The following SLC44A5 variants were observed in gnomAD, a reference collection of about 807,000 sequenced individuals.
SLC44A5 encodes the protein solute carrier family 44 member 5.
In SLC44A5, 57 loss-of-function variants were observed where a neutral mutation model predicts 101.8. The ratio of observed to expected loss-of-function variants is 0.56; its 90% CI spans 0.45 to 0.70. The LOEUF (loss-of-function observed/expected upper bound fraction) is 0.70, where lower values mean the gene tolerates loss of function less well. SLC44A5 is among the 30% of genes least tolerant of loss of function. The pLI is 0.00. For synonymous variants in SLC44A5, 281 were observed against 290.9 expected (o/e 0.97, Z 0.35); for missense variants, 737 against 853.1 (o/e 0.86, Z 1.70).
the SLC44A5 span, among the ~76,000 whole-genome samples, chr1:75,722,236 T>C: frequency 2.6e-5 from 4 of 152,192 alleles, no homozygotes; most frequent in Non-Finnish European, 5.9e-5. Context: ...AGTACGAGTA[T>C]GGGAGTCCTC....
intron 2 of SLC44A5, among the ~76,000 whole-genome samples, chr1:75,480,019 C>G (rs950393659): frequency 1.3e-5 from 2 of 152,148 alleles, no homozygotes; most frequent in African/African-American, 2.4e-5. Flanking sequence ...TACTGGCAAA[C>G]CGAATCTGGC....
Position 75,217,898 on chromosome 1 carries a change from A to G in SLC44A5, c.1592T>C (p.Ile531Thr), listed in dbSNP as rs770759519. ...LIIALIQMFKIVLEYLDHRLK... is the reference protein window; with the variant it reads ...LIIALIQMFKTVLEYLDHRLK... ...ACGGTGGTCCAAGTATTCTAGTACA[A>G]TTTTAAACATTTGAATTAATGCAAT... The change falls in exon 18 of 24, where the codon ATT becomes ACT. Residue 531 changes from isoleucine to threonine, a missense_variant. Ile to Thr is a moderately conservative substitution (Grantham distance 89). Coordinates refer to ENST00000370859, the MANE Select transcript of SLC44A5 (RefSeq NM_001130058.2). The G allele has an allele frequency of 6.2e-6, 10 of 1,603,314 alleles. No individual in the cohort carries two copies. In the South Asian group the frequency reaches 1.1e-4, roughly 18 times the overall value.
In SLC44A5 at chr1:75,611,049, C is replaced by T; in HGVS notation, c.-79G>A. The T allele has an allele frequency of 2.0e-6, 2 of 985,142 alleles. No homozygotes were observed. Among genetic ancestry groups the T allele is most frequent in the South Asian group, 4.7e-5 (1 of 21,274 alleles). 61.0% of individuals were successfully genotyped at this position (985,142 alleles called of 1,614,324 possible). A position where few individuals can be genotyped will look rare whatever the true frequency, so the allele number is the denominator to read the frequency against. ...TAGCAGTATCACTCACCTCTTACTC[C>T]ATCATTTCTTCAATAACTCCATCAA... On this transcript the variant is annotated 5_prime_UTR_variant, in exon 1 of 24. The change abolishes an upstream ATG in the 5' untranslated region. Coordinates refer to ENST00000370859, the MANE Select transcript of SLC44A5 (RefSeq NM_001130058.2).
chr1:75,619,207 G>A, the SLC44A5 span, among the ~76,000 whole-genome samples: 1 of 150,708 alleles, frequency 6.6e-6, no homozygotes, highest in African/African-American at 2.4e-5. Context: ...GGAGAAGGAA[G>A]GAAGAAAGGG....
chr1:75,622,799 A>G, the SLC44A5 span, among the ~76,000 whole-genome samples: 120 of 152,250 alleles, frequency 7.9e-4, no homozygotes, highest in African/African-American at 2.8e-3. Context: ...CCAGCTTCCA[A>G]TTAATCAATT....
chr1:75,571,822 G>T (rs917773137), intron 1 of SLC44A5, among the ~76,000 whole-genome samples: 1 of 152,066 alleles, frequency 6.6e-6, no homozygotes, highest in Admixed American at 6.6e-5. Flanking sequence ...AGAGAAAATA[G>T]TAAATAAGTA....
At chr1:75,686,548 T>C in the SLC44A5 span, among the ~76,000 whole-genome samples, 2 of 152,144 alleles carry the variant, frequency 1.3e-5, no homozygotes, top group African/African-American at 2.4e-5. Flanking sequence ...TCGTAAGGAA[T>C]GAGGTCAAAG....
At chr1:75,687,969 T>G in the SLC44A5 span, among the ~76,000 whole-genome samples, 1 of 152,148 alleles carries the variant, frequency 6.6e-6, no homozygotes, top group Non-Finnish European at 1.5e-5. Context: ...GTCTTCTCAT[T>G]CCCTGAAGTT....
At chr1:75,509,156 T>A (rs1451417603) in intron 2 of SLC44A5, among the ~76,000 whole-genome samples, 1 of 152,168 alleles carries the variant, frequency 6.6e-6, no homozygotes, top group Non-Finnish European at 1.5e-5. Context: ...CACACTGAGA[T>A]AAAAACTACT....
At chr1:75,391,547 G>A (rs1193225435) in intron 3 of SLC44A5, among the ~76,000 whole-genome samples, 1 of 152,118 alleles carries the variant, frequency 6.6e-6, no homozygotes, top group Non-Finnish European at 1.5e-5. Context: ...GAATAGAATA[G>A]AGAACTCAGA....
the SLC44A5 span, among the ~76,000 whole-genome samples, chr1:75,694,433 G>C: frequency 3.2e-4 from 49 of 151,884 alleles, no homozygotes; most frequent in Non-Finnish European, 5.4e-4. Context: ...TTTTAATCAA[G>C]AATCTGTTTT....
At chr1:75,274,917 T>C in intron 6 of SLC44A5, 41 bp downstream of exon 6, 1 of 1,490,844 alleles carries the variant, frequency 6.7e-7, no homozygotes, top group Non-Finnish European at 9.3e-7. Flanking sequence ...GGTTCCAGTT[T>C]AGACAGTAAA....
chr1:75,362,696 C>G (rs539625552), intron 3 of SLC44A5, among the ~76,000 whole-genome samples: 56 of 151,918 alleles, frequency 3.7e-4, no homozygotes, highest in African/African-American at 1.3e-3. Flanking sequence ...AATGTAAGAC[C>G]TGTTTTGTGA....
upstream of SLC44A5, chr1:75,615,745 G>T: frequency 1.6e-6 from 1 of 627,858 alleles, no homozygotes; most frequent in Non-Finnish European, 2.0e-6. Context: ...ACTCTTCCCC[G>T]GCAGGAGCCT....
At chr1:75,492,690 G>T (rs1668485362) in intron 2 of SLC44A5, among the ~76,000 whole-genome samples, 1 of 152,182 alleles carries the variant, frequency 6.6e-6, no homozygotes, top group African/African-American at 2.4e-5. Context: ...TATATTGCTA[G>T]AACAAGCTTA....
chr1:75,441,426 G>T (rs1665189881), intron 2 of SLC44A5, among the ~76,000 whole-genome samples: 1 of 151,356 alleles, frequency 6.6e-6, no homozygotes, highest in Non-Finnish European at 1.5e-5. Flanking sequence ...TGAAGTTCAT[G>T]GAGAAAACAA....
chr1:75,635,530 A>G, the SLC44A5 span, among the ~76,000 whole-genome samples: 3 of 151,314 alleles, frequency 2.0e-5, no homozygotes, highest in African/African-American at 4.9e-5. Flanking sequence ...GAAATTGGAA[A>G]TCATTCTCAG....
Position 75,478,055 on chromosome 1 carries a change from C to T in SLC44A5, c.13+63380G>A, listed in dbSNP as rs563786291. ...CCCATCAGACTAACAGCGGATCTCCCGGCAGAAACTCTACAAGCCAGAAGA... is the reference window on the plus strand; with the variant it reads ...CCCATCAGACTAACAGCGGATCTCCTGGCAGAAACTCTACAAGCCAGAAGA... On this transcript the variant is annotated intron_variant, in intron 2 of 23. Transcript: ENST00000370859. Among the ~76,000 whole-genome samples, 522 of 152,258 alleles carry T rather than the reference C, an allele frequency of 3.4e-3. 2 individuals are homozygous for T. The highest frequency in any genetic ancestry group is 0.012 in the African/African-American group (498 of 41,542).
At position 75,356,519 on chromosome 1, in the gene SLC44A5, C is replaced by T. The variant is rs115443036; in HGVS notation, c.53-16889G>A. Among the ~76,000 whole-genome samples, 862 of 151,874 alleles carry T rather than the reference C, an allele frequency of 5.7e-3. 7 individuals carry two copies. Among genetic ancestry groups the T allele is most frequent in the Non-Finnish European group, 7.1e-3 (481 of 67,936 alleles). ...TATGTTTTAACCTATTATTACAAGA[C>T]TCAAAAAGCTTAAATGATTTAAATT... On this transcript the variant is annotated intron_variant, in intron 3 of 23. Coordinates refer to ENST00000370859, the MANE Select transcript of SLC44A5 (RefSeq NM_001130058.2).
Sources: gnomAD v4.1 joint callset for allele counts (sites outside exome capture counted in the v4.1 genomes callset) on GRCh38, gnomAD v4.1.1 for gene constraint, MANE v1.5 for transcripts, NCBI Gene and HGNC (gene_info 2026-07-23, HGNC 2026-07-21) for gene names.